Variants in PPARGC1A observed in about 807,000 individuals in gnomAD.
PPARGC1A encodes the protein peroxisome proliferator-activated receptor gamma coactivator 1-alpha.
PPARGC1A carries 25 observed loss-of-function variants against 88.7 expected under a neutral mutation model. The observed-to-expected ratio is 0.28, with a 90% CI of 0.21 to 0.39. The LOEUF (loss-of-function observed/expected upper bound fraction) is 0.39, where lower values mean the gene tolerates loss of function less well. Ranked by LOEUF, PPARGC1A falls within the 10% of genes least tolerant of loss-of-function variation. The pLI, the probability that PPARGC1A is intolerant of heterozygous loss-of-function variation, is 1.00. For missense variants in PPARGC1A, 880 were observed against 968.7 expected, an observed-to-expected ratio of 0.91 and a Z score of 1.22; for synonymous variants, 363 against 355.6, an observed-to-expected ratio of 1.02 and a Z score of -0.24.
the PPARGC1A span, among the ~76,000 whole-genome samples, chr4:24,025,774 G>A: frequency 6.6e-6 from 1 of 152,178 alleles, no homozygotes; most frequent in Non-Finnish European, 1.5e-5. Context: ...AGTGAAGGAG[G>A]AGTTGCTCTC....
the PPARGC1A span, among the ~76,000 whole-genome samples, chr4:24,366,356 C>A: frequency 2.0e-5 from 3 of 152,094 alleles, no homozygotes; most frequent in Non-Finnish European, 4.4e-5. Context: ...TGACTTTGTT[C>A]AATTTATGTG....
At chr4:23,923,061 A>G in the PPARGC1A span, among the ~76,000 whole-genome samples, 2 of 149,150 alleles carry the variant, frequency 1.3e-5, no homozygotes, top group African/African-American at 5.0e-5. Context: ...GTACAACCCC[A>G]GGTTGTTTTT....
the PPARGC1A span, among the ~76,000 whole-genome samples, chr4:24,389,895 G>C: frequency 6.6e-6 from 1 of 152,090 alleles, no homozygotes; most frequent in Non-Finnish European, 1.5e-5. Flanking sequence ...GTACAAATTA[G>C]AGAAAAAGGT....
the PPARGC1A span, among the ~76,000 whole-genome samples, chr4:23,919,245 C>A: frequency 6.6e-6 from 1 of 152,112 alleles, no homozygotes; most frequent in Non-Finnish European, 1.5e-5. Context: ...AATGTTTATA[C>A]TAGTCCTTAT....
At chr4:23,923,346 C>T in the PPARGC1A span, among the ~76,000 whole-genome samples, 7 of 152,048 alleles carry the variant, frequency 4.6e-5, no homozygotes, top group African/African-American at 1.4e-4. Context: ...CAATCCAATT[C>T]CATTATTTGT....
the PPARGC1A span, among the ~76,000 whole-genome samples, chr4:24,461,164 T>C: frequency 6.6e-6 from 1 of 152,196 alleles, no homozygotes; most frequent in Non-Finnish European, 1.5e-5. Context: ...CCTCAAGCAA[T>C]CCCTCTGCTT....
chr4:24,445,116 A>C, the PPARGC1A span, among the ~76,000 whole-genome samples: 1 of 152,136 alleles, frequency 6.6e-6, no homozygotes, highest in African/African-American at 2.4e-5. Context: ...CACTGACCTG[A>C]CAATCCTGAA....
chr4:24,039,591 G>A, the PPARGC1A span, among the ~76,000 whole-genome samples: 1 of 152,116 alleles, frequency 6.6e-6, no homozygotes, highest in Admixed American at 6.6e-5. Flanking sequence ...CTGATGCCAA[G>A]TGAGAACATC....
chr4:23,840,504 C>T (rs188523406), intron 2 of PPARGC1A, among the ~76,000 whole-genome samples: 3 of 152,108 alleles, frequency 2.0e-5, no homozygotes, highest in African/African-American at 7.2e-5. Flanking sequence ...CCCTCATTTA[C>T]TCAAGTGTCA....
intron 10 of PPARGC1A, among the ~76,000 whole-genome samples, chr4:23,811,981 G>A (rs907826501): frequency 3.3e-5 from 4 of 122,096 alleles, no homozygotes; most frequent in Non-Finnish European, 6.3e-5. Flanking sequence ...TCCGTGGTGC[G>A]ATCTCAGCTC....
chr4:24,354,464 A>T, the PPARGC1A span, among the ~76,000 whole-genome samples: 428 of 152,330 alleles, frequency 2.8e-3, 18 homozygotes, highest in East Asian at 0.064. Context: ...TACACCCAGA[A>T]TGCTGGAACC....
At chr4:24,186,625 T>C in the PPARGC1A span, among the ~76,000 whole-genome samples, 1 of 152,044 alleles carries the variant, frequency 6.6e-6, no homozygotes, top group Non-Finnish European at 1.5e-5. Context: ...CCATAAACAT[T>C]TGCTGCTATT....
At chr4:24,071,422 G>A in the PPARGC1A span, among the ~76,000 whole-genome samples, 1 of 151,942 alleles carries the variant, frequency 6.6e-6, no homozygotes, top group African/African-American at 2.4e-5. Flanking sequence ...GCTACCAATG[G>A]TGTTTTCTAA....
the PPARGC1A span, among the ~76,000 whole-genome samples, chr4:24,046,694 A>T: frequency 6.6e-6 from 1 of 152,170 alleles, no homozygotes; most frequent in Non-Finnish European, 1.5e-5. Context: ...GCTGGAGTTC[A>T]CTGACTAGCC....
the PPARGC1A span, among the ~76,000 whole-genome samples, chr4:24,434,060 T>A: frequency 6.6e-6 from 1 of 152,212 alleles, no homozygotes; most frequent in African/African-American, 2.4e-5. Context: ...CCCTGAATTC[T>A]TTTCTGATCC....
chr4:24,184,465 T>C, the PPARGC1A span, among the ~76,000 whole-genome samples: 1 of 152,226 alleles, frequency 6.6e-6, no homozygotes, highest in Non-Finnish European at 1.5e-5. Context: ...ATACCTGGTA[T>C]TGTGGGAGGT....
At chr4:24,301,204 A>G in the PPARGC1A span, among the ~76,000 whole-genome samples, 10 of 152,310 alleles carry the variant, frequency 6.6e-5, no homozygotes, top group Admixed American at 5.2e-4. Flanking sequence ...ACACTAGTAG[A>G]TATTTTTTCA....
At chr4:23,988,009 C>T in the PPARGC1A span, among the ~76,000 whole-genome samples, 1 of 146,506 alleles carries the variant, frequency 6.8e-6, no homozygotes, top group Non-Finnish European at 1.5e-5. Context: ...TCTCATTGTT[C>T]AACTCCCACT....
the PPARGC1A span, among the ~76,000 whole-genome samples, chr4:24,282,510 G>A: frequency 6.6e-6 from 1 of 152,228 alleles, no homozygotes; most frequent in Admixed American, 6.5e-5. Flanking sequence ...TGATTTCATA[G>A]GAACCTGTCC....
Sources: gnomAD v4.1 joint callset for allele counts (sites outside exome capture counted in the v4.1 genomes callset) on GRCh38, gnomAD v4.1.1 for gene constraint, MANE v1.5 for transcripts, NCBI Gene and HGNC (gene_info 2026-07-23, HGNC 2026-07-21) for gene names.